Variants in ATCAY observed in about 807,000 individuals in gnomAD.
ATCAY encodes caytaxin.
A neutral mutation model predicts 47.7 loss-of-function variants in ATCAY; 22 were observed. That is an observed-to-expected ratio of 0.46 (90% CI 0.33 to 0.66). ATCAY has a LOEUF of 0.66. ATCAY is among the 30% of genes least tolerant of loss of function. ATCAY has a pLI of 0.02. For synonymous variants in ATCAY, 216 were observed against 207.6 expected, an observed-to-expected ratio of 1.04 and a Z score of -0.35; for missense variants, 452 against 515.0, an observed-to-expected ratio of 0.88 and a Z score of 1.18.
chr19:3,897,902 C>T (rs952069065), intron 2 of ATCAY, among the ~76,000 whole-genome samples: 8 of 151,706 alleles, frequency 5.3e-5, no homozygotes, highest in East Asian at 1.9e-4. Context: ...AGTGAAACTC[C>T]GTCTCAAAAA....
At chr19:3,892,460 CA>C (rs2038726787) in intron 2 of ATCAY, among the ~76,000 whole-genome samples, 1 of 152,128 alleles carries the variant, frequency 6.6e-6, no homozygotes. Context: ...CTCAGCCTCC[CA>C]AAATGCTGGG....
At chr19:3,922,970 C>T (rs1416271391) in intron 12 of ATCAY, among the ~76,000 whole-genome samples, 2 of 152,164 alleles carry the variant, frequency 1.3e-5, no homozygotes, top group African/African-American at 4.8e-5. Context: ...TGGTCTCGAT[C>T]TCCTGACCTC....
At chr19:3,885,010 G>C (rs2038635397) in intron 1 of ATCAY, among the ~76,000 whole-genome samples, 1 of 151,174 alleles carries the variant, frequency 6.6e-6, no homozygotes, top group Non-Finnish European at 1.5e-5. Context: ...GGCTGAGGCA[G>C]GAGGATTGCT....
intron 2 of ATCAY, among the ~76,000 whole-genome samples, chr19:3,898,199 G>A (rs1381422656): frequency 6.7e-6 from 1 of 150,134 alleles, no homozygotes; most frequent in Non-Finnish European, 1.5e-5. Context: ...TTTCTTTTCT[G>A]TTTTGAGCAG....
intron 2 of ATCAY, among the ~76,000 whole-genome samples, chr19:3,891,486 C>G (rs542059938): frequency 6.6e-6 from 1 of 151,952 alleles, no homozygotes; most frequent in Non-Finnish European, 1.5e-5. Flanking sequence ...ATACCAGTCC[C>G]TTATAGCCTC....
At position 3,910,988 on chromosome 19, in the gene ATCAY, CGTGTGTGCATCTGTGTGT is replaced by C; in HGVS notation, c.866+105_866+122del. On this transcript the variant is annotated intron_variant, in intron 8 of 12. Coordinates refer to ENST00000450849, the MANE Select transcript of ATCAY (RefSeq NM_033064.5). ...GTGTGTGCATGTGTGCACGTGTGTG[CGTGTGTGCATCTGTGTGT>C]GTGTGCATCCATGTGTGTGTTTGAT... 3 of 1,315,448 alleles carry C rather than the reference CGTGTGTGCATCTGTGTGT, an allele frequency of 2.3e-6. No homozygotes were observed. In the South Asian group the frequency reaches 3.6e-5, roughly 16 times the overall value. The allele number at this position is 1,315,448 out of a possible 1,614,324, so 81.5% of individuals were successfully genotyped here. A position where few individuals can be genotyped will look rare whatever the true frequency, so the allele number is the denominator to read the frequency against.
At chr19:3,905,888 G>C (rs895083426) in intron 4 of ATCAY, among the ~76,000 whole-genome samples, 1 of 151,926 alleles carries the variant, frequency 6.6e-6, no homozygotes, top group East Asian at 1.9e-4. Context: ...AAAAGAGAGA[G>C]GTGGCTGGGC....
intron 2 of ATCAY, among the ~76,000 whole-genome samples, chr19:3,891,927 A>G (rs1440490606): frequency 6.6e-6 from 1 of 151,976 alleles, no homozygotes; most frequent in African/African-American, 2.4e-5. Context: ...TCTCGCTGCA[A>G]CGCCCAGGCT....
chr19:3,889,687 C>A (rs188408952), intron 2 of ATCAY, among the ~76,000 whole-genome samples: 125 of 152,276 alleles, frequency 8.2e-4, no homozygotes, highest in African/African-American at 3.0e-3. Context: ...GCCCATGGTT[C>A]AAATCCCAAT....
intron 2 of ATCAY, among the ~76,000 whole-genome samples, chr19:3,900,887 T>G (rs1317070644): frequency 7.0e-6 from 1 of 143,270 alleles, no homozygotes; most frequent in African/African-American, 2.6e-5. Flanking sequence ...CACAGAGTTA[T>G]CCTTCATCTT....
At chr19:3,905,726 C>T (rs1050826548) in intron 4 of ATCAY, 71 bp downstream of exon 4, 44 of 1,376,500 alleles carry the variant, frequency 3.2e-5, no homozygotes, top group Middle Eastern at 5.1e-4. Context: ...TCTCTGGATT[C>T]CCATAGGCTC....
intron 2 of ATCAY, 21 bp downstream of exon 2, chr19:3,885,865 A>G: frequency 6.5e-7 from 1 of 1,550,352 alleles, no homozygotes; most frequent in Middle Eastern, 1.9e-4. Flanking sequence ...CACATCCCTG[A>G]GTCAACCGTT....
At chr19:3,912,309 CA>C (rs1262262456) in intron 8 of ATCAY, among the ~76,000 whole-genome samples, 1 of 149,480 alleles carries the variant, frequency 6.7e-6, no homozygotes, top group Non-Finnish European at 1.5e-5. Flanking sequence ...CCTGTCTCTA[CA>C]AAAAAAAATT....
chr19:3,914,105 G>A (rs909473980), intron 9 of ATCAY, among the ~76,000 whole-genome samples: 3 of 151,530 alleles, frequency 2.0e-5, no homozygotes, highest in Non-Finnish European at 4.4e-5. Flanking sequence ...GCGTGGTGGC[G>A]GGCGCCTGTA....
At chr19:3,912,575 G>GA (rs202052276) in intron 8 of ATCAY, among the ~76,000 whole-genome samples, 14 of 151,998 alleles carry the variant, frequency 9.2e-5, no homozygotes, top group African/African-American at 1.2e-4. Context: ...CTCCCAAAGT[G>GA]AAAAAAATTT....
At chr19:3,881,384 GAAAAAA>G (rs397946296) in intron 1 of ATCAY, among the ~76,000 whole-genome samples, 1 of 130,342 alleles carries the variant, frequency 7.7e-6, no homozygotes, top group African/African-American at 2.9e-5. Context: ...ACGATTTCGG[GAAAAAA>G]AAAAAAAAAA....
At chr19:3,913,705 C>A (rs2038941377) in intron 8 of ATCAY, 53 bp from the exon 9 acceptor site, 2 of 1,438,022 alleles carry the variant, frequency 1.4e-6, no homozygotes, top group Non-Finnish European at 1.9e-6. Flanking sequence ...ACCTAGGTAA[C>A]CCCCACCCCA....
chr19:3,894,640 A>C (rs1039223550), intron 2 of ATCAY, among the ~76,000 whole-genome samples: 1 of 150,654 alleles, frequency 6.6e-6, no homozygotes, highest in Non-Finnish European at 1.5e-5. Flanking sequence ...AAAAAAAAAA[A>C]AAAAAACTGT....
chr19:3,920,343 CT>C (rs772143778), intron 11 of ATCAY: 491 of 142,980 alleles, frequency 3.4e-3, no homozygotes, highest in Non-Finnish European at 3.7e-3. Flanking sequence ...GACCCTGTAT[CT>C]TTTTTTTTTT....
Sources: allele counts gnomAD v4.1 joint callset (sites outside exome capture counted in the v4.1 genomes callset), GRCh38; gene constraint gnomAD v4.1.1; transcripts MANE v1.5; gene names NCBI Gene and HGNC (gene_info 2026-07-23, HGNC 2026-07-21).